The following NETO2 variants were observed in gnomAD, a reference collection of about 807,000 sequenced individuals.
NETO2 encodes neuropilin and tolloid-like protein 2.
Under a neutral mutation model 62.5 loss-of-function variants are expected in NETO2, and 28 were observed. The ratio of observed to expected loss-of-function variants is 0.45; its 90% CI spans 0.33 to 0.61. NETO2 has a LOEUF of 0.61. Ranked by LOEUF, NETO2 falls within the 20% of genes least tolerant of loss-of-function variation. The pLI is 0.02. For missense variants in NETO2, 548 were observed against 643.2 expected, an observed-to-expected ratio of 0.85 and a Z score of 1.60; for synonymous variants, 214 against 219.1, an observed-to-expected ratio of 0.98 and a Z score of 0.21.
rs146733947 is a variant in NETO2, at chr16:47,087,014, A to T, written c.884-675T>A. Among the ~76,000 whole-genome samples, 675 of 130,014 alleles carry T rather than the reference A, an allele frequency of 5.2e-3. 6 individuals carry two copies. Among genetic ancestry groups the T allele is most frequent in the African/African-American group, 0.018 (630 of 34,172 alleles). The allele number at this position is 130,014 out of a possible 152,430, so 85.3% of individuals were successfully genotyped here. Reference sequence around the variant, plus strand: ...GACAAAGCCACATATTTCACTTAGCATAATTATTTATAATTAAATTTTTTT... The same window carrying T: ...GACAAAGCCACATATTTCACTTAGCTTAATTATTTATAATTAAATTTTTTT... On this transcript the variant is annotated intron_variant, in intron 7 of 8. Transcript: ENST00000562435.
At chr16:47,095,625 T>C (rs1390957547) in intron 7 of NETO2, among the ~76,000 whole-genome samples, 2 of 152,094 alleles carry the variant, frequency 1.3e-5, no homozygotes, top group Non-Finnish European at 2.9e-5. Context: ...ATTATAAACA[T>C]ATATGGACTA....
At chr16:47,141,630 C>T (rs552821352) in intron 1 of NETO2, among the ~76,000 whole-genome samples, 1 of 152,170 alleles carries the variant, frequency 6.6e-6, no homozygotes, top group East Asian at 1.9e-4. Context: ...AAGTTGATAC[C>T]ACAGACGACT....
At chr16:47,085,933 G>A (rs1411675241) in intron 8 of NETO2, among the ~76,000 whole-genome samples, 2 of 151,740 alleles carry the variant, frequency 1.3e-5, no homozygotes, top group African/African-American at 4.8e-5. Context: ...GTGAAACCCT[G>A]TCTCTACTAA....
intron 1 of NETO2, among the ~76,000 whole-genome samples, chr16:47,141,492 T>C (rs1395057156): frequency 2.0e-5 from 3 of 151,942 alleles, no homozygotes; most frequent in African/African-American, 7.2e-5. Context: ...AATCAAGTGA[T>C]ACAAATGGGT....
At chr16:47,135,819 C>T (rs1964353058) in intron 1 of NETO2, among the ~76,000 whole-genome samples, 1 of 151,296 alleles carries the variant, frequency 6.6e-6, no homozygotes, top group Non-Finnish European at 1.5e-5. Context: ...CTAGTGAATG[C>T]AATAAATACT....
rs915394197 is a variant in NETO2, at chr16:47,080,375, T to C, written c.*2846A>G. 4 of 152,194 alleles carry C rather than the reference T, an allele frequency of 2.6e-5. No individual in the cohort carries two copies. The highest frequency in any genetic ancestry group is 9.6e-5 in the African/African-American group (4 of 41,464). 9.4% of individuals were successfully genotyped at this position (152,194 alleles called of 1,614,324 possible). A position where few individuals can be genotyped will look rare whatever the true frequency, so the allele number is the denominator to read the frequency against. The stretch of plus-strand genomic sequence containing the variant: ...TTCAACACTGGGACACTGTGTGGGG[T>C]ACCCTGCGTGACAGTTAATACTGTG... On this transcript the variant is annotated 3_prime_UTR_variant, in exon 9 of 9. Transcript: ENST00000562435.
At chr16:47,103,666 T>C (rs1402152100) in intron 7 of NETO2, among the ~76,000 whole-genome samples, 1 of 152,072 alleles carries the variant, frequency 6.6e-6, no homozygotes, top group Non-Finnish European at 1.5e-5. Context: ...TTCAGCAACA[T>C]ATAAAATGAT....
intron 7 of NETO2, among the ~76,000 whole-genome samples, chr16:47,099,074 G>A (rs1405707981): frequency 6.6e-6 from 1 of 152,064 alleles, no homozygotes; most frequent in African/African-American, 2.4e-5. Flanking sequence ...TGGCCAGGCT[G>A]GTCTTGAACT....
chr16:47,083,547 C>T lies in NETO2; in HGVS notation c.1252G>A (p.Glu418Lys), dbSNP rs1963117326. The T allele has an allele frequency of 6.2e-7, 1 of 1,614,204 alleles. No homozygotes were observed. Among genetic ancestry groups the T allele is most frequent in the Non-Finnish European group, 8.5e-7 (1 of 1,180,046 alleles). Reference protein sequence around the residue: ...ISADLADLSEELDNYQKMRRS... With the variant: ...ISADLADLSEKLDNYQKMRRS... ...CGCATCTTCTGGTAGTTGTCCAATTCTTCCGACAAGTCTGCCAGGTCTGCA... is the reference window on the plus strand; with the variant it reads ...CGCATCTTCTGGTAGTTGTCCAATTTTTCCGACAAGTCTGCCAGGTCTGCA... The change falls in exon 9 of 9, where the codon GAA becomes AAA. Residue 418 changes from glutamate (E) to lysine (K), a missense_variant. Glu to Lys is a moderately conservative substitution (Grantham distance 56). Coordinates refer to ENST00000562435, the MANE Select transcript of NETO2 (RefSeq NM_018092.5).
intron 4 of NETO2, among the ~76,000 whole-genome samples, chr16:47,123,545 A>G (rs981916176): frequency 6.6e-6 from 1 of 152,186 alleles, no homozygotes; most frequent in Admixed American, 6.5e-5. Context: ...TATATTTTTT[A>G]CCACAATAAA....
At chr16:47,100,236 GAAAT>G (rs1963512846) in intron 7 of NETO2, among the ~76,000 whole-genome samples, 1 of 152,130 alleles carries the variant, frequency 6.6e-6, no homozygotes. Context: ...AATTAAGGCA[GAAAT>G]AAATAAGTTC....
intron 7 of NETO2, among the ~76,000 whole-genome samples, chr16:47,093,178 T>A (rs1435997177): frequency 6.6e-6 from 1 of 152,096 alleles, no homozygotes; most frequent in Non-Finnish European, 1.5e-5. Flanking sequence ...CTTCATCCAG[T>A]TTTAATCTAC....
At chr16:47,120,630 C>T (rs1164930788) in intron 6 of NETO2, among the ~76,000 whole-genome samples, 1 of 152,180 alleles carries the variant, frequency 6.6e-6, no homozygotes, top group African/African-American at 2.4e-5. Context: ...CATTAATCAT[C>T]CCCACATCCT....
At chr16:47,102,134 T>C (rs1382602399) in intron 7 of NETO2, among the ~76,000 whole-genome samples, 4 of 152,164 alleles carry the variant, frequency 2.6e-5, no homozygotes, top group East Asian at 3.9e-4. Context: ...ACGTCACATA[T>C]CTACAACCAT....
At chr16:47,112,451 C>G (rs913385424) in intron 6 of NETO2, among the ~76,000 whole-genome samples, 2 of 152,224 alleles carry the variant, frequency 1.3e-5, no homozygotes, top group South Asian at 2.1e-4. Flanking sequence ...GCCTCCACCC[C>G]CAATTCAAGA....
intron 1 of NETO2, among the ~76,000 whole-genome samples, chr16:47,138,194 G>A (rs1964396309): frequency 6.6e-6 from 1 of 152,186 alleles, no homozygotes; most frequent in Admixed American, 6.5e-5. Flanking sequence ...GAGGTCAGAA[G>A]TTCAAGACCA....
At chr16:47,108,157 T>A (rs1017180285) in intron 7 of NETO2, among the ~76,000 whole-genome samples, 2 of 152,088 alleles carry the variant, frequency 1.3e-5, no homozygotes, top group Admixed American at 6.6e-5. Flanking sequence ...TATTAATAAC[T>A]GAATAAGTGA....
At chr16:47,138,714 A>G (rs1387949458) in intron 1 of NETO2, among the ~76,000 whole-genome samples, 1 of 152,244 alleles carries the variant, frequency 6.6e-6, no homozygotes, top group Non-Finnish European at 1.5e-5. Flanking sequence ...TTTTCAAAAT[A>G]CAAATCAGAT....
chr16:47,100,458 G>C (rs960640491), intron 7 of NETO2, among the ~76,000 whole-genome samples: 1 of 151,996 alleles, frequency 6.6e-6, no homozygotes, highest in African/African-American at 2.4e-5. Flanking sequence ...ACTAAGATCA[G>C]AGCAGAACTG....
Sources: allele counts gnomAD v4.1 joint callset (sites outside exome capture counted in the v4.1 genomes callset), GRCh38; gene constraint gnomAD v4.1.1; transcripts MANE v1.5; gene names NCBI Gene and HGNC (gene_info 2026-07-23, HGNC 2026-07-21).